The following PUS7L variants were observed in gnomAD, a reference collection of about 807,000 sequenced individuals.
PUS7L encodes the protein pseudouridine synthase 7 like, also known as pseudouridylate synthase PUS7L.
PUS7L carries 49 observed loss-of-function variants against 51.1 expected under a neutral mutation model. That is an observed-to-expected ratio of 0.96 (90% CI 0.76 to 1.22). The LOEUF (loss-of-function observed/expected upper bound fraction) is 1.22. PUS7L is among the 50% of genes most tolerant of loss of function. The pLI is 0.00. For missense variants in PUS7L, 828 were observed against 820.6 expected (o/e 1.01, Z -0.11); for synonymous variants, 277 against 276.2 (o/e 1.00, Z -0.03).
chr12:43,738,869 A>G, intron 5 of PUS7L: 1 of 308,512 alleles, frequency 3.2e-6, no homozygotes, highest in South Asian at 4.2e-5. Context: ...AAAACCTAGC[A>G]TATTTCCTAA....
chr12:43,749,753 T>TGCAG (rs1293043709), intron 2 of PUS7L, among the ~76,000 whole-genome samples: 2 of 152,170 alleles, frequency 1.3e-5, no homozygotes, highest in African/African-American at 4.8e-5. Context: ...GCAACATGGA[T>TGCAG]GCAGCTAAAG....
Position 43,729,010 on chromosome 12 carries a change from G to A in PUS7L, c.*1366C>T, listed in dbSNP as rs1397499393. ...CTATGCTAACATGTCTCTTATTTGT[G>A]AAAGATGAATTCAGAGTATTATTGC... On this transcript the variant is annotated 3_prime_UTR_variant, in exon 9 of 9. Transcript: ENST00000344862. 2.7e-6 allele frequency: 1 copy of A among 369,374 alleles called. No homozygotes were observed. The highest frequency in any genetic ancestry group is 4.8e-6 in the Non-Finnish European group (1 of 207,052). 22.9% of individuals were successfully genotyped at this position (369,374 alleles called of 1,614,324 possible). A position where few individuals can be genotyped will look rare whatever the true frequency, so the allele number is the denominator to read the frequency against.
rs888557680 is a variant in PUS7L at position 43,719,878 on chromosome 12, A to G, written c.*10498T>C. Reference sequence around the variant, plus strand: ...GTCTCACCACAAGTATGTCAGCTCTACTAGTATTTTCAACAAACCAACTTT... The same window carrying G: ...GTCTCACCACAAGTATGTCAGCTCTGCTAGTATTTTCAACAAACCAACTTT... On this transcript the variant is annotated 3_prime_UTR_variant, in exon 9 of 9. Transcript: ENST00000344862. The G allele has an allele frequency of 6.6e-6, 1 of 152,150 alleles. No individual in the cohort carries two copies. The highest frequency in any genetic ancestry group is 2.4e-5 in the African/African-American group (1 of 41,442). The allele number at this position is 152,150 out of a possible 1,614,324, so 9.4% of individuals were successfully genotyped here.
rs1376549335 is a variant in PUS7L, at chr12:43,725,358, A to G, written c.*5018T>C. ...TGTCTCTCCCAAGACATGCCCCAAT[A>G]TGCCTATTAAATCAATGGCAAGTTA... On this transcript the variant is annotated 3_prime_UTR_variant, in exon 9 of 9. Coordinates refer to ENST00000344862, the MANE Select transcript of PUS7L (RefSeq NM_031292.5). 6.6e-6 allele frequency: 1 copy of G among 151,988 alleles called. No homozygotes were observed. The highest frequency in any genetic ancestry group is 2.4e-5 in the African/African-American group (1 of 41,378). 9.4% of individuals were successfully genotyped at this position (151,988 alleles called of 1,614,324 possible).
At chr12:43,751,475 G>A (rs113178146) in intron 2 of PUS7L, among the ~76,000 whole-genome samples, 2,170 of 151,634 alleles carry the variant, frequency 0.014, 60 homozygotes, top group African/African-American at 0.05. Flanking sequence ...GCGATAGTTT[G>A]CTGAGAATGA....
At chr12:43,731,604 T>C (rs1944555414) in intron 8 of PUS7L, 101 bp downstream of exon 8, 2 of 615,552 alleles carry the variant, frequency 3.2e-6, no homozygotes, top group Non-Finnish European at 5.8e-6. Context: ...AATTTAAAAG[T>C]TGTTTAATAA....
In PUS7L at chr12:43,731,733, C is replaced by T; in HGVS notation, c.1751G>A (p.Gly584Glu). The T allele has an allele frequency of 6.3e-7, 1 of 1,578,002 alleles. No homozygotes were observed. The highest frequency in any genetic ancestry group is 8.7e-7 in the Non-Finnish European group (1 of 1,152,344). ...ATGTATTGCATACATATTAGCTGATCCCTCCTCTTCAGTTACCAGGTGAAT... is the reference window on the plus strand; with the variant it reads ...ATGTATTGCATACATATTAGCTGATTCCTCCTCTTCAGTTACCAGGTGAAT... ...SKIHLVTEEE[G>E]SANMYAIHQV... The change falls in exon 8 of 9, where the codon GGA becomes GAA. Residue 584 changes from glycine (G) to glutamate (E), a missense_variant. Physicochemically the swap from Gly to Glu is moderately conservative, Grantham distance 98. Transcript: ENST00000344862.
rs900816884 is a variant in PUS7L at position 43,758,347 on chromosome 12, CAG to C, written c.-17+381_-17+382del. On this transcript the variant is annotated intron_variant, in intron 1 of 8. Coordinates refer to ENST00000344862, the MANE Select transcript of PUS7L (RefSeq NM_031292.5). ...CTGAAGGTGCAGTATTCCCATTCAA[CAG>C]AGACTGCTGCTGACAGTGGGCGGGG... 12 of 985,584 alleles carry C rather than the reference CAG, an allele frequency of 1.2e-5. No individual in the cohort carries two copies. The African/African-American group carries it at 2.1e-4, about 17-fold the overall frequency. The allele number at this position is 985,584 out of a possible 1,614,324, so 61.1% of individuals were successfully genotyped here. A position where few individuals can be genotyped will look rare whatever the true frequency, so the allele number is the denominator to read the frequency against.
intron 5 of PUS7L, chr12:43,739,432 T>C (rs531764399): frequency 3.3e-5 from 5 of 152,346 alleles, no homozygotes; most frequent in Admixed American, 1.3e-4. Context: ...GCCACAAATA[T>C]CTTTTTTGTT....
chr12:43,751,575 A>G (rs1209340738), intron 2 of PUS7L, among the ~76,000 whole-genome samples: 2 of 151,894 alleles, frequency 1.3e-5, no homozygotes, highest in Non-Finnish European at 2.9e-5. Flanking sequence ...TATGTGCCAC[A>G]TTTTCTTAAT....
At chr12:43,733,798 T>C (rs1944616651) in intron 7 of PUS7L, among the ~76,000 whole-genome samples, 1 of 140,400 alleles carries the variant, frequency 7.1e-6, no homozygotes, top group Non-Finnish European at 1.5e-5. Flanking sequence ...TGAGGTAAAA[T>C]AAAACTTAAA....
At chr12:43,758,654 ACCCCC>A in intron 1 of PUS7L, 71 bp downstream of exon 1, 13 of 461,938 alleles carry the variant, frequency 2.8e-5, no homozygotes, top group Non-Finnish European at 3.1e-5. Context: ...CAACCTCGTC[ACCCCC>A]CCCCCCCACA....
chr12:43,745,419 C>A (rs187730118), intron 4 of PUS7L, among the ~76,000 whole-genome samples: 1 of 152,178 alleles, frequency 6.6e-6, no homozygotes, highest in Non-Finnish European at 1.5e-5. Flanking sequence ...CCATGCTATT[C>A]TCATGATAGC....
In PUS7L at chr12:43,729,231, T is replaced by C. The variant is rs1944497592; in HGVS notation, c.*1145A>G. ...TGAAAATATTGCAATAAGCAAATTT[T>C]GCATTGCATATAGCTTCTCTTCCTT... On this transcript the variant is annotated 3_prime_UTR_variant, in exon 9 of 9. Transcript: ENST00000344862. 2.5e-6 allele frequency: 1 copy of C among 397,876 alleles called. No individual in the cohort carries two copies. Among genetic ancestry groups the C allele is most frequent in the Non-Finnish European group, 4.4e-6 (1 of 225,630 alleles). The allele number at this position is 397,876 out of a possible 1,614,324, so 24.6% of individuals were successfully genotyped here. A position where few individuals can be genotyped will look rare whatever the true frequency, so the allele number is the denominator to read the frequency against.
chr12:43,758,554 C>T (rs1938988382), intron 1 of PUS7L, 176 bp downstream of exon 1: 3 of 985,112 alleles, frequency 3.0e-6, no homozygotes, highest in Non-Finnish European at 3.6e-6. Context: ...CTACCTGTTT[C>T]TTCTCCCTCC....
chr12:43,730,228 A>G lies in PUS7L; in HGVS notation c.*148T>C, dbSNP rs924703571. On this transcript the variant is annotated 3_prime_UTR_variant, in exon 9 of 9. Transcript: ENST00000344862. ...ACTTACATATCCTCTATAAAATTAC[A>G]GTATCAAATCCTAACTTCTCAGGAT... The G allele has an allele frequency of 2.6e-5, 16 of 624,356 alleles. No homozygotes were observed. In the Admixed American group the frequency reaches 3.8e-4, roughly 15 times the overall value. 38.7% of individuals were successfully genotyped at this position (624,356 alleles called of 1,614,324 possible). A position where few individuals can be genotyped will look rare whatever the true frequency, so the allele number is the denominator to read the frequency against.
intron 1 of PUS7L, among the ~76,000 whole-genome samples, chr12:43,755,859 G>A (rs1938674635): frequency 6.6e-6 from 1 of 152,200 alleles, no homozygotes; most frequent in Non-Finnish European, 1.5e-5. Context: ...AAGCTTTCAA[G>A]GTTGAGCCAG....
Position 43,754,356 on chromosome 12 carries a change from T to C in PUS7L, c.890A>G (p.Glu297Gly). The C allele has an allele frequency of 6.3e-7, 1 of 1,596,476 alleles. No individual in the cohort carries two copies. ...ATTACCTGTATATATAACTTTTCCT[T>C]CTTGGCATTCAGAAAGAGGCCTTTT... ...RGKRPLSECQ[E>G]GKVIYTAFTL... Residue 297 changes from glutamate to glycine, a missense_variant, in exon 2 of 9, where the codon GAA (glutamate) becomes GGA (glycine). Glu to Gly is a moderately conservative substitution (Grantham distance 98). Transcript: ENST00000344862.
At position 43,738,372 on chromosome 12, in the gene PUS7L, A is replaced by T; in HGVS notation, c.1382T>A (p.Phe461Tyr). The change falls in exon 6 of 9, where the codon TTT (phenylalanine) becomes TAT (tyrosine). Residue 461 changes from phenylalanine (F) to tyrosine (Y), a missense_variant. Coordinates refer to ENST00000344862, the MANE Select transcript of PUS7L (RefSeq NM_031292.5). ...KNEMMKAIKLFLTPEDLDDPV... is the reference protein window; with the variant it reads ...KNEMMKAIKLYLTPEDLDDPV... ...ATCATCCAAGTCTTCTGGTGTAAGA[A>T]ACAATTTTATGGCTTTCATCTTAAA... 1 of 1,585,970 alleles carries T rather than the reference A, an allele frequency of 6.3e-7. No individual in the cohort carries two copies. Among genetic ancestry groups the T allele is most frequent in the East Asian group, 2.2e-5 (1 of 44,572 alleles).
Sources: gnomAD v4.1 joint callset for allele counts (sites outside exome capture counted in the v4.1 genomes callset) on GRCh38, gnomAD v4.1.1 for gene constraint, MANE v1.5 for transcripts, NCBI Gene and HGNC (gene_info 2026-07-23, HGNC 2026-07-21) for gene names.